GPC5: variants seen among roughly 807,000 people sequenced by gnomAD.
The protein encoded by GPC5 is glypican 5, also known as glypican-5.
GPC5 carries 47 observed loss-of-function variants against 53.9 expected under a neutral mutation model. The observed-to-expected ratio is 0.87, with a 90% CI of 0.69 to 1.11. The LOEUF is 1.11. Among genes scored for constraint, GPC5 ranks in the 50% most tolerant of loss-of-function variants. GPC5 has a pLI of 0.00. For synonymous variants in GPC5, 286 were observed against 263.3 expected (o/e 1.09, Z -0.84); for missense variants, 748 against 713.1 (o/e 1.05, Z -0.56).
chr13:92,444,695 A>C lies in GPC5; in HGVS notation c.1561+299706A>C, dbSNP rs528169021. Among the ~76,000 whole-genome samples the C allele has an allele frequency of 7.4e-5, 11 of 147,686 alleles. No individual in the cohort carries two copies. The South Asian group carries it at 2.4e-3, about 33-fold the overall frequency. On this transcript the variant is annotated intron_variant, in intron 7 of 7. Coordinates refer to ENST00000377067, the MANE Select transcript of GPC5 (RefSeq NM_004466.6). ...GTGAGTACACAGAGGAAGAAAAGAGAAGAGTGGATTCCTGAAATCTAAAAA... is the reference window on the plus strand; with the variant it reads ...GTGAGTACACAGAGGAAGAAAAGAGCAGAGTGGATTCCTGAAATCTAAAAA...
intron 6 of GPC5, among the ~76,000 whole-genome samples, chr13:92,133,118 C>G (rs1055077301): frequency 6.6e-6 from 1 of 152,096 alleles, no homozygotes; most frequent in African/African-American, 2.4e-5. Flanking sequence ...CCACCTACCC[C>G]CTTTCCAAGA....
At chr13:92,460,745 G>A (rs1385559507) in intron 7 of GPC5, among the ~76,000 whole-genome samples, 2 of 152,134 alleles carry the variant, frequency 1.3e-5, no homozygotes, top group South Asian at 2.1e-4. Flanking sequence ...ATGGAGACAG[G>A]CCAGAAGAAG....
At chr13:92,655,534 C>CATGTTGGCCAGGATGGTTTCG (rs1886103124) in intron 7 of GPC5, among the ~76,000 whole-genome samples, 4 of 152,040 alleles carry the variant, frequency 2.6e-5, no homozygotes, top group Admixed American at 1.3e-4. Flanking sequence ...GGGGTTTCAC[C>CATGTTGGCCAGGATGGTTTCG]ATGTTGGCCA....
At chr13:92,799,448 A>C (rs1432715169) in intron 7 of GPC5, among the ~76,000 whole-genome samples, 1 of 151,818 alleles carries the variant, frequency 6.6e-6, no homozygotes, top group Non-Finnish European at 1.5e-5. Context: ...ATAGGTCTCA[A>C]TTTTTATAAA....
chr13:92,841,886 T>C (rs1280727665), intron 7 of GPC5, among the ~76,000 whole-genome samples: 1 of 152,154 alleles, frequency 6.6e-6, no homozygotes, highest in African/African-American at 2.4e-5. Context: ...GTGGTATTGC[T>C]TGACATGTTC....
At chr13:92,662,089 T>C (rs1013142924) in intron 7 of GPC5, among the ~76,000 whole-genome samples, 4 of 152,202 alleles carry the variant, frequency 2.6e-5, no homozygotes, top group African/African-American at 9.6e-5. Context: ...TGCTTGTCCC[T>C]ACTGACTCCC....
intron 2 of GPC5, among the ~76,000 whole-genome samples, chr13:91,457,369 T>C (rs1881635339): frequency 6.6e-6 from 1 of 152,150 alleles, no homozygotes; most frequent in African/African-American, 2.4e-5. Flanking sequence ...AATGATACTA[T>C]AAAAAATATC....
Position 91,846,507 on chromosome 13 carries a change from T to C in GPC5, c.1281-61430T>C, listed in dbSNP as rs372516486. On this transcript the variant is annotated intron_variant, in intron 5 of 7. Coordinates refer to ENST00000377067, the MANE Select transcript of GPC5 (RefSeq NM_004466.6). ...TGAAGTTGATGGTCAAGTATACCTT[T>C]ATAATAAGCTAAGCAGCTTTAGGGC... Among the ~76,000 whole-genome samples the C allele has an allele frequency of 6.6e-5, 10 of 152,236 alleles. No individual in the cohort carries two copies. In the East Asian group the frequency reaches 1.7e-3, roughly 26 times the overall value.
intron 7 of GPC5, among the ~76,000 whole-genome samples, chr13:92,269,617 A>G (rs546737780): frequency 1.1e-4 from 16 of 152,230 alleles, no homozygotes; most frequent in African/African-American, 3.6e-4. Context: ...CATGTTAGCC[A>G]GGATGGTCTC....
intron 5 of GPC5, among the ~76,000 whole-genome samples, chr13:91,773,019 T>C (rs1255042996): frequency 6.6e-6 from 1 of 152,228 alleles, no homozygotes; most frequent in Non-Finnish European, 1.5e-5. Context: ...AATCTTACTG[T>C]AGAAATGATG....
intron 5 of GPC5, among the ~76,000 whole-genome samples, chr13:91,821,618 T>G (rs1247580636): frequency 6.6e-6 from 1 of 152,196 alleles, no homozygotes; most frequent in Non-Finnish European, 1.5e-5. Flanking sequence ...CCCTCTATTT[T>G]TAGTTTGCTA....
chr13:92,749,093 G>A (rs1889315041), intron 7 of GPC5, among the ~76,000 whole-genome samples: 1 of 152,112 alleles, frequency 6.6e-6, no homozygotes, highest in South Asian at 2.1e-4. Flanking sequence ...AGAATACACT[G>A]ATCTACTCTG....
intron 2 of GPC5, among the ~76,000 whole-genome samples, chr13:91,525,046 A>G (rs1378607626): frequency 6.6e-5 from 10 of 152,200 alleles, no homozygotes; most frequent in Non-Finnish European, 4.4e-5. Flanking sequence ...AGTGTCAGAA[A>G]CATATTTATT....
At chr13:92,060,170 C>A (rs1023895985) in intron 6 of GPC5, among the ~76,000 whole-genome samples, 1 of 151,422 alleles carries the variant, frequency 6.6e-6, no homozygotes, top group Non-Finnish European at 1.5e-5. Context: ...TTAAAAGCAT[C>A]AAAGTCCTAT....
At chr13:91,669,871 A>G (rs1282132624) in intron 2 of GPC5, among the ~76,000 whole-genome samples, 1 of 152,224 alleles carries the variant, frequency 6.6e-6, no homozygotes, top group Non-Finnish European at 1.5e-5. Flanking sequence ...TTTGAAGGTG[A>G]GAGTCTCACA....
In GPC5 at chr13:92,643,621, G is replaced by A. The variant is rs529685164; in HGVS notation, c.1562-222661G>A. ...AAATCATCATTCTCAGTAAACTATC[G>A]CAAGAACAAAAAACCAAACACCGCA... On this transcript the variant is annotated intron_variant, in intron 7 of 7. Transcript: ENST00000377067. Among the ~76,000 whole-genome samples, 103 of 140,880 alleles carry A rather than the reference G, an allele frequency of 7.3e-4. 2 individuals are homozygous for A. The highest frequency in any genetic ancestry group is 1.8e-3 in the East Asian group (9 of 4,990). 92.4% of individuals were successfully genotyped at this position (140,880 alleles called of 152,430 possible). A position where few individuals can be genotyped will look rare whatever the true frequency, so the allele number is the denominator to read the frequency against.
chr13:91,668,815 T>A (rs570874946), intron 2 of GPC5, among the ~76,000 whole-genome samples: 72 of 152,178 alleles, frequency 4.7e-4, no homozygotes, highest in Non-Finnish European at 7.5e-4. Context: ...AAATAGGAAA[T>A]ATTTAATAAA....
chr13:91,466,388 A>T (rs992214273), intron 2 of GPC5, among the ~76,000 whole-genome samples: 18 of 152,178 alleles, frequency 1.2e-4, no homozygotes, highest in African/African-American at 2.6e-4. Context: ...GGGCAGGGGG[A>T]CGTTATGGTC....
intron 7 of GPC5, among the ~76,000 whole-genome samples, chr13:92,378,382 T>C (rs2139302971): frequency 6.6e-6 from 1 of 152,174 alleles, no homozygotes; most frequent in Admixed American, 6.5e-5. Flanking sequence ...GAAAAGGAGG[T>C]TGGAATTACT....
Sources: gnomAD v4.1 joint callset for allele counts (sites outside exome capture counted in the v4.1 genomes callset) on GRCh38, gnomAD v4.1.1 for gene constraint, MANE v1.5 for transcripts, NCBI Gene and HGNC (gene_info 2026-07-23, HGNC 2026-07-21) for gene names.